Variants in EEFSEC observed in about 807,000 individuals in gnomAD.
EEFSEC encodes the protein eukaryotic elongation factor, selenocysteine-tRNA specific.
A neutral mutation model predicts 42.1 loss-of-function variants in EEFSEC; 43 were observed. The ratio of observed to expected loss-of-function variants is 1.02; its 90% CI spans 0.80 to 1.32. The LOEUF (loss-of-function observed/expected upper bound fraction) is 1.32, where lower values mean the gene tolerates loss of function less well. Ranked by LOEUF, EEFSEC falls within the 40% of genes most tolerant of loss-of-function variation. The probability of loss-of-function intolerance (pLI) is 0.00; values close to 1 mark genes in which losing one functional copy is unlikely to be tolerated. For missense variants in EEFSEC, 745 were observed against 803.6 expected (o/e 0.93, Z 0.88); for synonymous variants, 354 against 339.1 (o/e 1.04, Z -0.48).
the EEFSEC span, among the ~76,000 whole-genome samples, chr3:128,416,163 G>A: frequency 2.0e-5 from 3 of 152,128 alleles, no homozygotes; most frequent in Admixed American, 6.5e-5. Context: ...CCCGGTGGCC[G>A]GAAGGTGGGG....
At chr3:128,290,692 G>T (rs1208531266) in intron 4 of EEFSEC, among the ~76,000 whole-genome samples, 1 of 151,840 alleles carries the variant, frequency 6.6e-6, no homozygotes, top group African/African-American at 2.4e-5. Flanking sequence ...TCTTCCTATT[G>T]ATATAGGTCT....
At chr3:128,367,759 A>G (rs2067607263) in intron 6 of EEFSEC, 4 of 985,314 alleles carry the variant, frequency 4.1e-6, no homozygotes, top group Admixed American at 6.1e-5. Context: ...CTGCCTGGCC[A>G]TATCACTGGC....
intron 4 of EEFSEC, among the ~76,000 whole-genome samples, chr3:128,287,381 C>T (rs960337294): frequency 2.2e-4 from 33 of 152,210 alleles, no homozygotes; most frequent in Admixed American, 9.2e-4. Context: ...GGAGTCCCAG[C>T]ATGACAAACT....
At chr3:128,203,158 A>C (rs958528754) in intron 1 of EEFSEC, among the ~76,000 whole-genome samples, 1 of 152,218 alleles carries the variant, frequency 6.6e-6, no homozygotes, top group African/African-American at 2.4e-5. Context: ...TTACACCCAA[A>C]TGTTGGCAAT....
intron 6 of EEFSEC, among the ~76,000 whole-genome samples, chr3:128,404,417 G>A (rs146105248): frequency 1.3e-5 from 2 of 152,364 alleles, no homozygotes; most frequent in East Asian, 1.9e-4. Context: ...GAGCCATCGC[G>A]GGTGAGATGG....
intron 5 of EEFSEC, among the ~76,000 whole-genome samples, chr3:128,347,331 A>G (rs982627409): frequency 6.6e-6 from 1 of 152,042 alleles, no homozygotes; most frequent in Admixed American, 6.6e-5. Context: ...TGAGTGGGAG[A>G]AGAAAAGAAG....
chr3:128,256,283 G>A (rs2066241026), intron 2 of EEFSEC, among the ~76,000 whole-genome samples: 1 of 152,054 alleles, frequency 6.6e-6, no homozygotes, highest in African/African-American at 2.4e-5. Context: ...TTTTCTTTGT[G>A]TTTATTTTTG....
intron 1 of EEFSEC, among the ~76,000 whole-genome samples, chr3:128,171,252 T>C (rs1403965194): frequency 6.6e-6 from 1 of 152,258 alleles, no homozygotes; most frequent in East Asian, 1.9e-4. Flanking sequence ...TGGCTTCCCA[T>C]AGATGCCTTT....
the EEFSEC span, among the ~76,000 whole-genome samples, chr3:128,423,478 C>CAATAAATA: frequency 0.033 from 4,894 of 150,518 alleles, 208 homozygotes; most frequent in African/African-American, 0.094. Context: ...GACCCTGTCT[C>CAATAAATA]AATAAATAAA....
At chr3:128,362,398 C>T (rs543415343) in intron 6 of EEFSEC, 41 of 403,172 alleles carry the variant, frequency 1.0e-4, no homozygotes, top group African/African-American at 8.4e-4. Flanking sequence ...TACTCTAGGA[C>T]AGAAAAGGGC....
Position 128,153,756 on chromosome 3 carries a change from G to A in EEFSEC, c.249G>A (p.Glu83=). 1 of 1,545,862 alleles carries A rather than the reference G, an allele frequency of 6.5e-7. No individual in the cohort carries two copies. Among genetic ancestry groups the A allele is most frequent in the Middle Eastern group, 1.7e-4 (1 of 5,838 alleles). The part of the protein sequence containing the change: ...AAPEAEPEPG[E]PLLQVTLVDC... ...CCGAGGCCGAGCCCGAGCCCGGCGA[G>A]CCACTGCTTCAGGTCACGCTGGTCG... The change falls in exon 1 of 7, where the codon GAG becomes GAA. Residue 83 remains glutamate (E), a synonymous_variant. Coordinates refer to ENST00000254730, the MANE Select transcript of EEFSEC (RefSeq NM_021937.5).
chr3:128,257,436 C>G (rs954172024), intron 2 of EEFSEC, among the ~76,000 whole-genome samples: 1 of 152,160 alleles, frequency 6.6e-6, no homozygotes, highest in Non-Finnish European at 1.5e-5. Flanking sequence ...AGGATGAGCC[C>G]ACTAACTAGA....
intron 1 of EEFSEC, among the ~76,000 whole-genome samples, chr3:128,238,870 C>T (rs1300761490): frequency 6.6e-6 from 1 of 152,232 alleles, no homozygotes; most frequent in Non-Finnish European, 1.5e-5. Context: ...CTAGTTACTT[C>T]CGGTTCTTGG....
At chr3:128,287,067 A>C (rs2066593650) in intron 4 of EEFSEC, among the ~76,000 whole-genome samples, 3 of 152,238 alleles carry the variant, frequency 2.0e-5, no homozygotes, top group Non-Finnish European at 4.4e-5. Flanking sequence ...AAGCCTGTGA[A>C]CAAGGGTGGT....
At chr3:128,385,735 T>A (rs538697783) in intron 6 of EEFSEC, among the ~76,000 whole-genome samples, 1 of 152,226 alleles carries the variant, frequency 6.6e-6, no homozygotes, top group Non-Finnish European at 1.5e-5. Context: ...ACGATCTGGC[T>A]CATGAGGCTG....
At chr3:128,354,592 A>C (rs2067429424) in intron 5 of EEFSEC, among the ~76,000 whole-genome samples, 1 of 152,146 alleles carries the variant, frequency 6.6e-6, no homozygotes, top group South Asian at 2.1e-4. Context: ...TTTATGTAGC[A>C]CTTAAACTAA....
At chr3:128,339,531 C>T (rs1052453896) in intron 4 of EEFSEC, among the ~76,000 whole-genome samples, 7 of 152,188 alleles carry the variant, frequency 4.6e-5, no homozygotes, top group African/African-American at 1.7e-4. Flanking sequence ...ATTTCAGGAA[C>T]TTTTATTGGA....
intron 4 of EEFSEC, among the ~76,000 whole-genome samples, chr3:128,303,953 C>T (rs959194147): frequency 1.3e-5 from 2 of 152,104 alleles, no homozygotes; most frequent in African/African-American, 4.8e-5. Flanking sequence ...ATTTAAAATG[C>T]TACCTTTGTT....
At position 128,203,254 on chromosome 3, in the gene EEFSEC, T is replaced by G. The variant is rs181610591; in HGVS notation, c.317-43582T>G. Among the ~76,000 whole-genome samples the G allele has an allele frequency of 1.6e-4, 25 of 152,364 alleles. No individual in the cohort carries two copies. The East Asian group carries it at 4.6e-3, about 28-fold the overall frequency. ...ATGGAATTTGTTGACGGAAGTGATT[T>G]GATTTTTATCCATTTAGTGATGCTT... On this transcript the variant is annotated intron_variant, in intron 1 of 6. Coordinates refer to ENST00000254730, the MANE Select transcript of EEFSEC (RefSeq NM_021937.5).
Sources: gnomAD v4.1 joint callset for allele counts (sites outside exome capture counted in the v4.1 genomes callset) on GRCh38, gnomAD v4.1.1 for gene constraint, MANE v1.5 for transcripts, NCBI Gene and HGNC (gene_info 2026-07-23, HGNC 2026-07-21) for gene names.